The following SGK2 variants were observed in gnomAD, a reference collection of about 807,000 sequenced individuals.
SGK2 encodes serum/glucocorticoid regulated kinase 2.
Under a neutral mutation model 47.5 loss-of-function variants are expected in SGK2, and 36 were observed. The ratio of observed to expected loss-of-function variants is 0.76; its 90% CI spans 0.58 to 1.00. SGK2 has a LOEUF of 1.00. SGK2 is among the 50% of genes least tolerant of loss of function. The pLI is 0.00. For synonymous variants in SGK2, 157 were observed against 181.9 expected, an observed-to-expected ratio of 0.86 and a Z score of 1.10; for missense variants, 404 against 467.4, an observed-to-expected ratio of 0.86 and a Z score of 1.25.
At chr20:43,560,437 T>G (rs961216803) in intron 1 of SGK2, among the ~76,000 whole-genome samples, 2 of 150,518 alleles carry the variant, frequency 1.3e-5, no homozygotes, top group African/African-American at 2.5e-5. Context: ...AGGCGGAGGT[T>G]GCAGTGAGCA....
At chr20:43,562,417 CAAAAAAAAAAAAAA>C (rs111670042) in intron 1 of SGK2, among the ~76,000 whole-genome samples, 1 of 49,938 alleles carries the variant, frequency 2.0e-5, no homozygotes. Context: ...AACCATGTCT[CAAAAAAAAAAAAAA>C]AAAAAAAAAA....
At chr20:43,566,248 C>A in intron 1 of SGK2, 1 of 1,255,346 alleles carries the variant, frequency 8.0e-7, no homozygotes, top group Non-Finnish European at 1.1e-6. Context: ...CTGACCATCC[C>A]CCTTTATCCC....
rs987632510 is a variant in SGK2, at chr20:43,567,702, G to A, written c.124G>A (p.Gly42Ser). ...PTDFDFLKVI[G>S]KGNYGKVLLA... Reference sequence around the variant, plus strand: ...GGACTTCGACTTCCTCAAAGTCATCGGCAAAGGGAACTACGGGAAGGTGAG... The same window carrying A: ...GGACTTCGACTTCCTCAAAGTCATCAGCAAAGGGAACTACGGGAAGGTGAG... Residue 42 changes from glycine (G) to serine (S), a missense_variant, in exon 4 of 13, where the codon GGC (glycine) becomes AGC (serine). By Grantham distance (56) the Gly-to-Ser change is moderately conservative (BLOSUM62 0). Transcript: ENST00000373100. 4 of 1,614,144 alleles carry A rather than the reference G, an allele frequency of 2.5e-6. No individual in the cohort carries two copies. Among genetic ancestry groups the A allele is most frequent in the Middle Eastern group, 1.7e-4 (1 of 6,050 alleles).
At chr20:43,581,097 G>A (rs1468866863) in intron 12 of SGK2, among the ~76,000 whole-genome samples, 3 of 151,940 alleles carry the variant, frequency 2.0e-5, no homozygotes, top group Non-Finnish European at 2.9e-5. Context: ...GGATGGTCTC[G>A]ATCTCCTGAC....
chr20:43,573,692 G>T (rs1470741473), intron 9 of SGK2, among the ~76,000 whole-genome samples: 1 of 152,090 alleles, frequency 6.6e-6, no homozygotes, highest in Non-Finnish European at 1.5e-5. Context: ...GAAAAGCTGG[G>T]TCTTAGATCT....
At chr20:43,566,333 C>T (rs1979708309) in intron 1 of SGK2, 140 bp from the exon 2 acceptor site, 2 of 1,611,842 alleles carry the variant, frequency 1.2e-6, no homozygotes, top group Non-Finnish European at 1.7e-6. Context: ...GGTTGCTTAC[C>T]TCGGGTAGGA....
chr20:43,572,180 G>A lies in SGK2; in HGVS notation c.597+43G>A. Reference sequence around the variant, plus strand: ...AGGAGAGGGGAGGTCATGAGTGGGTGAGGCCACAGCTCCTGATTAGAGCCA... The same window carrying A: ...AGGAGAGGGGAGGTCATGAGTGGGTAAGGCCACAGCTCCTGATTAGAGCCA... On this transcript the variant is annotated intron_variant, in intron 9 of 12. Transcript: ENST00000373100. This position sits in a 1 kb window ranked among gnomAD's most constrained non-coding sequence, Gnocchi z 4.2. 2.1e-6 allele frequency: 3 copies of A among 1,417,956 alleles called. No homozygotes were observed. The highest frequency in any genetic ancestry group is 2.9e-6 in the Non-Finnish European group (3 of 1,026,626). 87.8% of individuals were successfully genotyped at this position (1,417,956 alleles called of 1,614,324 possible).
At chr20:43,580,488 G>A (rs1980723340) in intron 12 of SGK2, among the ~76,000 whole-genome samples, 1 of 152,174 alleles carries the variant, frequency 6.6e-6, no homozygotes, top group African/African-American at 2.4e-5. Flanking sequence ...AGCACTTTGG[G>A]AGGCTGAGGC....
At chr20:43,559,641 C>T (rs1172475720) in intron 1 of SGK2, among the ~76,000 whole-genome samples, 3 of 152,086 alleles carry the variant, frequency 2.0e-5, no homozygotes, top group Non-Finnish European at 4.4e-5. Flanking sequence ...ACTGGGCAGG[C>T]GTGTAAATGA....
intron 11 of SGK2, among the ~76,000 whole-genome samples, chr20:43,578,243 G>T (rs1037183138): frequency 6.6e-6 from 1 of 152,104 alleles, no homozygotes; most frequent in East Asian, 1.9e-4. Flanking sequence ...CCACCACTTT[G>T]GGAGGCCAAG....
intron 1 of SGK2, among the ~76,000 whole-genome samples, chr20:43,563,304 A>G (rs1041845750): frequency 6.6e-6 from 1 of 152,152 alleles, no homozygotes; most frequent in Admixed American, 6.5e-5. Flanking sequence ...AGAGGAGGAA[A>G]ATCCAGCACA....
In SGK2 at chr20:43,570,665, A is replaced by G; in HGVS notation, c.409A>G (p.Arg137Gly). 1 of 1,612,712 alleles carries G rather than the reference A, an allele frequency of 6.2e-7. No individual in the cohort carries two copies. The highest frequency in any genetic ancestry group is 8.5e-7 in the Non-Finnish European group (1 of 1,178,862). ...GCGCCGGTTCCTGGAGCCCCGGGCC[A>G]GGTTCTACGCTGCTGAGGTGGCCAG... The part of the protein sequence containing the change: ...RERRFLEPRA[R>G]FYAAEVASAI... The change falls in exon 7 of 13, where the codon AGG (arginine) becomes GGG (glycine). Residue 137 changes from arginine (R) to glycine (G), a missense_variant. Physicochemically the swap from Arg to Gly is moderately radical, Grantham distance 125. Coordinates refer to ENST00000373100, the MANE Select transcript of SGK2 (RefSeq NM_170693.3).
chr20:43,584,012 T>C (rs903370638), intron 12 of SGK2, among the ~76,000 whole-genome samples: 1 of 152,112 alleles, frequency 6.6e-6, no homozygotes, highest in Admixed American at 6.5e-5. Flanking sequence ...TTTTTAAGTC[T>C]GAGTCAGGCC....
At chr20:43,570,885 C>T in intron 7 of SGK2, 139 bp from the exon 8 acceptor site, 5 of 1,405,444 alleles carry the variant, frequency 3.6e-6, no homozygotes, top group African/African-American at 1.4e-5. Flanking sequence ...AAGTGCCCAG[C>T]CTTTCTGGGC....
chr20:43,561,043 G>A (rs1979348235), intron 1 of SGK2, among the ~76,000 whole-genome samples: 3 of 152,202 alleles, frequency 2.0e-5, no homozygotes, highest in Non-Finnish European at 2.9e-5. Flanking sequence ...GTTGGCCCAG[G>A]ACTATAGCGG....
intron 1 of SGK2, among the ~76,000 whole-genome samples, chr20:43,562,417 CAAAAA>C (rs111670042): frequency 1.4e-4 from 7 of 49,962 alleles, no homozygotes; most frequent in Non-Finnish European, 1.5e-4. Flanking sequence ...AACCATGTCT[CAAAAA>C]AAAAAAAAAA....
chr20:43,583,484 T>C (rs1980919735), intron 12 of SGK2: 2 of 1,163,706 alleles, frequency 1.7e-6, no homozygotes, highest in South Asian at 1.7e-5. Context: ...CCTTGTCTTG[T>C]AGCCTTATTG....
Position 43,577,206 on chromosome 20 carries a change from A to G in SGK2, c.849+827A>G, listed in dbSNP as rs924619551. 3.9e-5 allele frequency among the ~76,000 whole-genome samples: 6 copies of G among 152,162 alleles called. No homozygotes were observed. In the South Asian group the frequency reaches 1.0e-3, roughly 26 times the overall value. The stretch of plus-strand genomic sequence containing the variant: ...AGGCTCCCCAGACACAAGGCACAGC[A>G]TGTGCAGAAGTCCTGCTATGGGAAC... On this transcript the variant is annotated intron_variant, in intron 11 of 12. Transcript: ENST00000373100.
intron 1 of SGK2, among the ~76,000 whole-genome samples, chr20:43,562,172 G>A (rs138837434): frequency 6.6e-6 from 1 of 152,062 alleles, no homozygotes; most frequent in East Asian, 1.9e-4. Context: ...CCAGCAATTT[G>A]GGAGGCCGAG....
Sources: gnomAD v4.1 joint callset for allele counts (sites outside exome capture counted in the v4.1 genomes callset) on GRCh38, gnomAD v4.1.1 for gene constraint, Gnocchi (gnomAD v3.1) non-coding constraint, MANE v1.5 for transcripts, NCBI Gene and HGNC (gene_info 2026-07-23, HGNC 2026-07-21) for gene names.